The following ERG variants were observed in gnomAD, a reference collection of about 807,000 sequenced individuals.
ERG encodes the protein ETS transcription factor ERG.
Under a neutral mutation model 55.3 loss-of-function variants are expected in ERG, and 9 were observed. The observed-to-expected ratio is 0.16, with a 90% confidence interval of 0.10 to 0.28. The LOEUF (loss-of-function observed/expected upper bound fraction) is 0.28. ERG is among the 10% of genes least tolerant of loss of function. ERG has a pLI of 1.00. For missense variants in ERG, 434 were observed against 631.6 expected, an observed-to-expected ratio of 0.69 and a Z score of 3.35; for synonymous variants, 223 against 237.3, an observed-to-expected ratio of 0.94 and a Z score of 0.55.
At chr21:38,587,648 G>T (rs1366057894), upstream of ERG, among the ~76,000 whole-genome samples, 1 of 152,088 alleles carries the variant, frequency 6.6e-6, no homozygotes, top group African/African-American at 2.4e-5. Flanking sequence ...CACGGCGCCC[G>T]GCCAAAGCTG....
chr21:38,573,301 G>A (rs902425404), intron 2 of ERG, among the ~76,000 whole-genome samples: 12 of 152,144 alleles, frequency 7.9e-5, no homozygotes, highest in South Asian at 4.1e-4. Flanking sequence ...CCCGACACCC[G>A]TAAAGGGTCT....
intron 1 of ERG, among the ~76,000 whole-genome samples, chr21:38,469,870 A>ATT (rs1408975752): frequency 6.6e-6 from 1 of 152,232 alleles, no homozygotes; most frequent in Non-Finnish European, 1.5e-5. Context: ...TGATCTGCAT[A>ATT]AATTATGGGT....
At chr21:38,522,263 CT>C (rs2059600545) in intron 2 of ERG, among the ~76,000 whole-genome samples, 1 of 150,406 alleles carries the variant, frequency 6.6e-6, no homozygotes, top group South Asian at 2.1e-4. Context: ...GAGATTTGTA[CT>C]TTTTCTCAAA....
chr21:38,505,925 C>T (rs2059457232), intron 2 of ERG, among the ~76,000 whole-genome samples: 1 of 151,998 alleles, frequency 6.6e-6, no homozygotes, highest in South Asian at 2.1e-4. Context: ...GTGCCTAATT[C>T]TTGATTTAAA....
chr21:38,536,614 C>A (rs551474959), intron 2 of ERG, among the ~76,000 whole-genome samples: 65 of 152,272 alleles, frequency 4.3e-4, no homozygotes, highest in African/African-American at 1.5e-3. Flanking sequence ...CAACACAGAG[C>A]CCGAGACCTA....
chr21:38,421,361 C>A (rs533263880), intron 3 of ERG, among the ~76,000 whole-genome samples: 1 of 152,196 alleles, frequency 6.6e-6, no homozygotes, highest in South Asian at 2.1e-4. Context: ...CCCTTTCACA[C>A]CCCACTGCAT....
chr21:38,444,733 A>G (rs2058873339), intron 2 of ERG, among the ~76,000 whole-genome samples: 1 of 146,898 alleles, frequency 6.8e-6, no homozygotes, highest in South Asian at 2.2e-4. Flanking sequence ...GAGGAAAAAA[A>G]AAAAAAACAA....
intron 2 of ERG, among the ~76,000 whole-genome samples, chr21:38,522,410 T>C (rs2059601567): frequency 6.6e-6 from 1 of 152,196 alleles, no homozygotes; most frequent in Non-Finnish European, 1.5e-5. Context: ...AGATTGATTA[T>C]ATTGGTATTG....
At chr21:38,592,797 T>A (rs2060108852) in intron 1 of ERG, among the ~76,000 whole-genome samples, 2 of 152,210 alleles carry the variant, frequency 1.3e-5, no homozygotes, top group South Asian at 2.1e-4. Flanking sequence ...ATGAATCATG[T>A]CTGAGCCATG....
At chr21:38,450,639 T>C (rs1231651084) in intron 1 of ERG, among the ~76,000 whole-genome samples, 3 of 152,192 alleles carry the variant, frequency 2.0e-5, no homozygotes, top group African/African-American at 4.8e-5. Context: ...CATAAATAGC[T>C]TATCCACCAA....
chr21:38,391,723 T>C lies in ERG; in HGVS notation c.815-8A>G. 1.2e-6 allele frequency: 2 copies of C among 1,613,242 alleles called. No homozygotes were observed. The highest frequency in any genetic ancestry group is 1.7e-6 in the Non-Finnish European group (2 of 1,179,600). On this transcript the variant is annotated splice_polypyrimidine_tract_variant and splice_region_variant and intron_variant, in intron 7 of 9. Coordinates refer to ENST00000288319, the MANE Select transcript of ERG (RefSeq NM_182918.4). ...AAGGAGATGGTTGAGCAGCTGAAAA[T>C]CCAGAAATACAAAAGGCAATTAGCT...
chr21:38,441,550 T>C (rs1220708567), intron 2 of ERG, among the ~76,000 whole-genome samples: 1 of 152,182 alleles, frequency 6.6e-6, no homozygotes, highest in Non-Finnish European at 1.5e-5. Flanking sequence ...TCTATTTCTC[T>C]AGAGAATCCC....
chr21:38,488,930 A>G (rs1050898933), intron 1 of ERG, among the ~76,000 whole-genome samples: 6 of 152,212 alleles, frequency 3.9e-5, no homozygotes, highest in Admixed American at 3.9e-4. Context: ...TAGAAACTTT[A>G]TATTTTTACC....
At chr21:38,489,381 G>A (rs946992561) in intron 1 of ERG, among the ~76,000 whole-genome samples, 43 of 152,212 alleles carry the variant, frequency 2.8e-4, no homozygotes, top group Non-Finnish European at 2.8e-4. Flanking sequence ...AAACAAAGAA[G>A]TGGCTTCCTT....
At chr21:38,598,513 A>G (rs2146906691) in intron 1 of ERG, among the ~76,000 whole-genome samples, 1 of 152,342 alleles carries the variant, frequency 6.6e-6, no homozygotes, top group South Asian at 2.1e-4. Flanking sequence ...CACAAATGCC[A>G]CATAAGTAAC....
chr21:38,591,452 C>T (rs1232530685), intron 1 of ERG, among the ~76,000 whole-genome samples: 1 of 152,158 alleles, frequency 6.6e-6, no homozygotes, highest in African/African-American at 2.4e-5. Context: ...GGTGCAGTGG[C>T]TCATGCATGT....
chr21:38,637,374 G>A (rs1328584573), intron 1 of ERG, among the ~76,000 whole-genome samples: 1 of 152,172 alleles, frequency 6.6e-6, no homozygotes, highest in Non-Finnish European at 1.5e-5. Context: ...ACTAATCTGG[G>A]TGTTCAAAAT....
intron 1 of ERG, among the ~76,000 whole-genome samples, chr21:38,484,191 C>G (rs1013462711): frequency 6.6e-6 from 1 of 152,140 alleles, no homozygotes; most frequent in Non-Finnish European, 1.5e-5. Context: ...TCGTGAACTC[C>G]TGAGCTCAGA....
At chr21:38,613,146 T>C (rs7280128) in intron 1 of ERG, among the ~76,000 whole-genome samples, 1,870 of 152,328 alleles carry the variant, frequency 0.012, 37 homozygotes, top group African/African-American at 0.043. Flanking sequence ...AAGAAGGTGT[T>C]CATCTGAGGA....
Sources: gnomAD v4.1 joint callset for allele counts (sites outside exome capture counted in the v4.1 genomes callset) on GRCh38, gnomAD v4.1.1 for gene constraint, MANE v1.5 for transcripts, NCBI Gene and HGNC (gene_info 2026-07-23, HGNC 2026-07-21) for gene names.